Variants in ELFN2 observed in about 807,000 individuals in gnomAD.
The protein encoded by ELFN2 is extracellular leucine rich repeat and fibronectin type III domain containing 2.
Under a neutral mutation model 45.5 loss-of-function variants are expected in ELFN2, and 17 were observed. The ratio of observed to expected loss-of-function variants is 0.37; its 90% CI spans 0.26 to 0.56. ELFN2 has a LOEUF of 0.56. ELFN2 is among the 20% of genes least tolerant of loss of function. ELFN2 has a pLI of 0.77. For synonymous variants in ELFN2, 550 were observed against 551.5 expected, an observed-to-expected ratio of 1.00 and a Z score of 0.04; for missense variants, 922 against 1,183.2, an observed-to-expected ratio of 0.78 and a Z score of 3.24.
chr22:37,422,616 C>T (rs565118327), intron 1 of ELFN2, among the ~76,000 whole-genome samples: 7 of 151,850 alleles, frequency 4.6e-5, no homozygotes, highest in South Asian at 2.1e-4. Flanking sequence ...TTTTTTGAGA[C>T]GGAGCCTCAC....
At chr22:37,408,782 G>T (rs1009737184) in intron 2 of ELFN2, among the ~76,000 whole-genome samples, 3 of 152,162 alleles carry the variant, frequency 2.0e-5, no homozygotes, top group Non-Finnish European at 4.4e-5. Flanking sequence ...TAACCTCTCT[G>T]TTCCTCAGTT....
At chr22:37,363,310 A>G (rs902035369), downstream of ELFN2, among the ~76,000 whole-genome samples, 1 of 152,102 alleles carries the variant, frequency 6.6e-6, no homozygotes, top group African/African-American at 2.4e-5. Context: ...TGAGCCATAC[A>G]ATTTGTTTGA....
intron 1 of ELFN2, among the ~76,000 whole-genome samples, chr22:37,360,865 C>T (rs1226876117): frequency 2.0e-5 from 3 of 152,172 alleles, no homozygotes; most frequent in African/African-American, 7.2e-5. Context: ...AGATGAAGAA[C>T]CAAGATGGCC....
intron 1 of ELFN2, among the ~76,000 whole-genome samples, chr22:37,357,946 G>T (rs1339995275): frequency 6.6e-6 from 1 of 152,176 alleles, no homozygotes; most frequent in Non-Finnish European, 1.5e-5. Context: ...CCGAAGTGAA[G>T]TCCCACAGCC....
intron 2 of ELFN2, among the ~76,000 whole-genome samples, chr22:37,400,806 G>A (rs1259400351): frequency 6.6e-6 from 1 of 152,270 alleles, no homozygotes; most frequent in Non-Finnish European, 1.5e-5. Context: ...CTTGTAGAGG[G>A]ATCTAAAGGT....
intron 2 of ELFN2, among the ~76,000 whole-genome samples, chr22:37,416,776 C>G (rs1480872260): frequency 6.6e-6 from 1 of 152,176 alleles, no homozygotes; most frequent in East Asian, 1.9e-4. Flanking sequence ...GCAGCCCTTC[C>G]CCCACCACAC....
chr22:37,366,476 C>T (rs1429280054), downstream of ELFN2, among the ~76,000 whole-genome samples: 2 of 152,230 alleles, frequency 1.3e-5, no homozygotes, highest in African/African-American at 4.8e-5. Context: ...CTTTGATCAC[C>T]TCTTAAGTTT....
At chr22:37,410,728 G>A (rs1042054958) in intron 2 of ELFN2, among the ~76,000 whole-genome samples, 4 of 152,172 alleles carry the variant, frequency 2.6e-5, no homozygotes, top group South Asian at 2.1e-4. Flanking sequence ...TCTACCACAC[G>A]AAGCAACCGA....
chr22:37,411,615 G>T (rs1381931545), intron 2 of ELFN2, among the ~76,000 whole-genome samples: 3 of 152,224 alleles, frequency 2.0e-5, no homozygotes, highest in Admixed American at 6.5e-5. Flanking sequence ...CTTCATCTCT[G>T]CCTCCCAGCT....
At position 37,372,877 on chromosome 22, in the gene ELFN2, T is replaced by G. The variant is rs1931413138; in HGVS notation, c.*195A>C. 1.7e-6 allele frequency: 1 copy of G among 593,242 alleles called. No homozygotes were observed. The highest frequency in any genetic ancestry group is 2.9e-6 in the Non-Finnish European group (1 of 344,180). The allele number at this position is 593,242 out of a possible 1,614,324, so 36.7% of individuals were successfully genotyped here. A position where few individuals can be genotyped will look rare whatever the true frequency, so the allele number is the denominator to read the frequency against. On this transcript the variant is annotated 3_prime_UTR_variant, in exon 3 of 3. Transcript: ENST00000402918. The surrounding 1 kb of genome is among the most constrained non-coding windows in gnomAD (Gnocchi z 4.4). ...AAATGTGTCTCTGTTTTCCTGTCCG[T>G]TATTGTCGGATGTTGGTTTGTTCAC...
chr22:37,363,897 A>G (rs4821648), downstream of ELFN2, among the ~76,000 whole-genome samples: 52,035 of 152,124 alleles, frequency 0.34, 9,811 homozygotes, highest in Admixed American at 0.55. Flanking sequence ...GCGGGAGGCC[A>G]GAACCGTCAC....
In ELFN2 at chr22:37,373,455, T is replaced by C. The variant is rs577369562; in HGVS notation, c.2080A>G (p.Ile694Val). Residue 694 changes from isoleucine (I) to valine (V), a missense_variant, in exon 3 of 3, where the codon ATC (isoleucine) becomes GTC (valine). Transcript: ENST00000402918. ...SGGGSGGGGG[I>V]HHLEVKPAYH... ...GCCGGCTTCACCTCCAGGTGGTGGA[T>C]GCCCCCGCCCCCGCCGCTGCCCCCG... 3.5e-5 allele frequency: 54 copies of C among 1,532,904 alleles called. No individual in the cohort carries two copies. The East Asian group carries it at 1.3e-3, about 36-fold the overall frequency. The allele number at this position is 1,532,904 out of a possible 1,614,324, so 95.0% of individuals were successfully genotyped here.
intron 2 of ELFN2, among the ~76,000 whole-genome samples, chr22:37,414,173 A>T (rs145535066): frequency 6.6e-6 from 1 of 152,358 alleles, no homozygotes; most frequent in South Asian, 2.1e-4. Flanking sequence ...CAAGACAAAA[A>T]AAAAGCTGTC....
chr22:37,425,218 G>A (rs1932838822), intron 1 of ELFN2, among the ~76,000 whole-genome samples: 1 of 152,194 alleles, frequency 6.6e-6, no homozygotes, highest in African/African-American at 2.4e-5. Context: ...ACAGGGACTG[G>A]GGAGGTCAGA....
intron 2 of ELFN2, among the ~76,000 whole-genome samples, chr22:37,403,556 G>A: frequency 6.6e-6 from 1 of 152,232 alleles, no homozygotes. Flanking sequence ...TTGTTTTGAA[G>A]CAAAGGGAGA....
At chr22:37,407,616 G>A (rs1194528955) in intron 2 of ELFN2, among the ~76,000 whole-genome samples, 3 of 151,890 alleles carry the variant, frequency 2.0e-5, no homozygotes, top group African/African-American at 4.8e-5. Context: ...CCCACCCGGC[G>A]GCCAGGCGCA....
chr22:37,373,959 T>C lies in ELFN2; in HGVS notation c.1576A>G (p.Asn526Asp). 1.9e-6 allele frequency: 3 copies of C among 1,612,118 alleles called. No homozygotes were observed. In the South Asian group the frequency reaches 3.3e-5, roughly 18 times the overall value. The change falls in exon 3 of 3, where the codon AAC becomes GAC. Residue 526 changes from asparagine to aspartate, a missense_variant. Asn to Asp is a conservative substitution (Grantham distance 23, BLOSUM62 1). Coordinates refer to ENST00000402918, the MANE Select transcript of ELFN2 (RefSeq NM_052906.5). ...ATCTCTGCAGCCGAGCCCTGGCCGT[T>C]CTCGAGGTCCGGGAGGTCATCCTCG... ...RPEDDLPDLE[N>D]GQGSAAEIST...
chr22:37,343,959 G>A (rs913160408), intron 1 of ELFN2, among the ~76,000 whole-genome samples: 2 of 151,932 alleles, frequency 1.3e-5, no homozygotes, highest in Admixed American at 6.6e-5. Flanking sequence ...CAGGGCAGTG[G>A]GTGGAGGGGC....
At chr22:37,380,922 G>A (rs1931742226) in intron 2 of ELFN2, among the ~76,000 whole-genome samples, 2 of 152,272 alleles carry the variant, frequency 1.3e-5, no homozygotes, top group South Asian at 4.1e-4. Context: ...TTCCTTGTCT[G>A]TAAAATGGGA....
Sources: allele counts gnomAD v4.1 joint callset (sites outside exome capture counted in the v4.1 genomes callset), GRCh38; gene constraint gnomAD v4.1.1; non-coding constraint Gnocchi (gnomAD v3.1); transcripts MANE v1.5; gene names NCBI Gene and HGNC (gene_info 2026-07-23, HGNC 2026-07-21).